ZNF407: variants seen among roughly 807,000 people sequenced by gnomAD.
The protein encoded by ZNF407 is zinc finger protein 407.
ZNF407 carries 17 observed loss-of-function variants against 131.2 expected under a neutral mutation model. The observed-to-expected ratio is 0.13, with a 90% CI of 0.09 to 0.19. The LOEUF (loss-of-function observed/expected upper bound fraction) is 0.19. Ranked by LOEUF, ZNF407 falls within the 10% of genes least tolerant of loss-of-function variation. The pLI, the probability that ZNF407 is intolerant of heterozygous loss-of-function variation, is 1.00. For synonymous variants in ZNF407, 1,156 were observed against 1,062.0 expected (o/e 1.09, Z -1.72); for missense variants, 2,681 against 2,830.6 (o/e 0.95, Z 1.20).
chr18:74,806,805 G>C (rs576517352), intron 4 of ZNF407, among the ~76,000 whole-genome samples: 8 of 152,230 alleles, frequency 5.3e-5, no homozygotes, highest in Admixed American at 1.3e-4. Context: ...AGTAAATAGA[G>C]TGAGACTGAG....
chr18:75,038,380 G>A (rs978252112), intron 8 of ZNF407, among the ~76,000 whole-genome samples: 1 of 152,204 alleles, frequency 6.6e-6, no homozygotes, highest in Admixed American at 6.5e-5. Context: ...TGGCAAGCAG[G>A]TAATTGGATT....
intron 8 of ZNF407, among the ~76,000 whole-genome samples, chr18:74,988,473 T>C (rs528014527): frequency 7.9e-5 from 12 of 150,992 alleles, no homozygotes; most frequent in South Asian, 4.1e-4. Flanking sequence ...AGAAAAGATA[T>C]ATATATATAG....
At chr18:74,656,099 TATA>T (rs1985444153) in intron 3 of ZNF407, among the ~76,000 whole-genome samples, 1 of 152,168 alleles carries the variant, frequency 6.6e-6, no homozygotes, top group Non-Finnish European at 1.5e-5. Flanking sequence ...CATTTATCAT[TATA>T]ATAGAGGCAG....
intron 8 of ZNF407, among the ~76,000 whole-genome samples, chr18:74,982,233 C>T (rs1216855075): frequency 6.6e-6 from 1 of 152,148 alleles, no homozygotes; most frequent in Non-Finnish European, 1.5e-5. Context: ...AATTGCCTGC[C>T]TTTATGATGT....
At position 74,641,074 on chromosome 18, in the gene ZNF407, A is replaced by G. The variant is rs770854767; in HGVS notation, c.4754A>G (p.His1585Arg). ...ATAQLGDARNHVKRHLGMREY... is the reference protein window; with the variant it reads ...ATAQLGDARNRVKRHLGMREY... Reference sequence around the variant, plus strand: ...GCTCAGCTTGGAGATGCCAGAAACCATGTGAAAAGGCACCTTGGGATGAGG... The same window carrying G: ...GCTCAGCTTGGAGATGCCAGAAACCGTGTGAAAAGGCACCTTGGGATGAGG... Residue 1585 changes from histidine (H) to arginine (R), a missense_variant, in exon 3 of 9, where the codon CAT becomes CGT. This residue lies in a region of ZNF407 where 213 missense variants were observed against 332.2 expected (regional missense o/e 0.64). Transcript: ENST00000299687. The G allele has an allele frequency of 1.9e-6, 3 of 1,613,456 alleles. No individual in the cohort carries two copies. Among genetic ancestry groups the G allele is most frequent in the Admixed American group, 1.7e-5 (1 of 60,008 alleles).
chr18:74,889,223 C>T (rs1458322381), intron 6 of ZNF407, among the ~76,000 whole-genome samples: 1 of 152,084 alleles, frequency 6.6e-6, no homozygotes, highest in African/African-American at 2.4e-5. Flanking sequence ...ATGCAGTCGC[C>T]TAGTCACGCA....
chr18:74,888,171 T>C (rs1971336598), intron 6 of ZNF407, among the ~76,000 whole-genome samples: 1 of 152,170 alleles, frequency 6.6e-6, no homozygotes, highest in South Asian at 2.1e-4. Context: ...TGAACATATG[T>C]AAAATTAATC....
In ZNF407 at chr18:74,635,774, GC is replaced by G; in HGVS notation, c.4687+71del. 6.6e-7 allele frequency: 1 copy of G among 1,515,104 alleles called. No homozygotes were observed. Among genetic ancestry groups the G allele is most frequent in the Non-Finnish European group, 8.8e-7 (1 of 1,134,064 alleles). 93.9% of individuals were successfully genotyped at this position (1,515,104 alleles called of 1,614,324 possible). A position where few individuals can be genotyped will look rare whatever the true frequency, so the allele number is the denominator to read the frequency against. ...CCATTTGTTCCCATCCAGATATGCA[GC>G]CCTACCTGTGGCTGCTCATTGGCTT... is the stretch of plus-strand genomic sequence containing the variant. On this transcript the variant is annotated intron_variant, in intron 2 of 8. Coordinates refer to ENST00000299687, the MANE Select transcript of ZNF407 (RefSeq NM_017757.3). The surrounding 1 kb of genome is among the most constrained non-coding windows in gnomAD (Gnocchi z 4.7).
chr18:75,015,720 T>C (rs1186127757), intron 8 of ZNF407, among the ~76,000 whole-genome samples: 1 of 151,724 alleles, frequency 6.6e-6, no homozygotes, highest in Non-Finnish European at 1.5e-5. Flanking sequence ...TATTTCCTAA[T>C]TTACTGCTAT....
chr18:75,044,414 C>T (rs946161019), intron 8 of ZNF407, among the ~76,000 whole-genome samples: 1 of 151,518 alleles, frequency 6.6e-6, no homozygotes, highest in South Asian at 2.1e-4. Flanking sequence ...GACTCCTTGG[C>T]GGTTCTAGCT....
chr18:74,900,101 G>A (rs1971504043), intron 7 of ZNF407, among the ~76,000 whole-genome samples: 1 of 152,218 alleles, frequency 6.6e-6, no homozygotes, highest in Admixed American at 6.5e-5. Flanking sequence ...CATTGAAACC[G>A]TGAGGCTGAA....
In ZNF407 at chr18:74,840,833, A is replaced by G. The variant is rs183733467; in HGVS notation, c.4878-36364A>G. Among the ~76,000 whole-genome samples the G allele has an allele frequency of 3.8e-3, 584 of 152,182 alleles. 9 individuals carry two copies. Among genetic ancestry groups the G allele is most frequent in the Admixed American group, 0.034 (516 of 15,298 alleles). ...AATTTTATAGCTTCTCATCACTACAATCATCTGTTTGAATTATGCCAGTGG... is the reference window on the plus strand; with the variant it reads ...AATTTTATAGCTTCTCATCACTACAGTCATCTGTTTGAATTATGCCAGTGG... On this transcript the variant is annotated intron_variant, in intron 4 of 8. Coordinates refer to ENST00000299687, the MANE Select transcript of ZNF407 (RefSeq NM_017757.3).
At chr18:74,913,400 G>C (rs1453250507) in intron 7 of ZNF407, among the ~76,000 whole-genome samples, 21 of 152,194 alleles carry the variant, frequency 1.4e-4, no homozygotes, top group Admixed American at 5.9e-4. Context: ...GTAAGGGTGG[G>C]AGTAGAGACA....
At chr18:74,654,668 A>ATTTG (rs1568148587) in intron 3 of ZNF407, among the ~76,000 whole-genome samples, 5 of 151,896 alleles carry the variant, frequency 3.3e-5, no homozygotes, top group African/African-American at 2.4e-5. Flanking sequence ...AAACTACTAC[A>ATTTG]TAATATATCT....
At chr18:74,677,482 T>C (rs1986440560) in intron 3 of ZNF407, among the ~76,000 whole-genome samples, 1 of 152,204 alleles carries the variant, frequency 6.6e-6, no homozygotes, top group African/African-American at 2.4e-5. Flanking sequence ...TATATGTTCC[T>C]TGGGTGATGA....
chr18:74,808,239 C>T (rs1318449619), intron 4 of ZNF407, among the ~76,000 whole-genome samples: 6 of 152,136 alleles, frequency 3.9e-5, no homozygotes, highest in African/African-American at 1.2e-4. Context: ...GTCTCGAACT[C>T]CTGACCTCAG....
intron 7 of ZNF407, among the ~76,000 whole-genome samples, chr18:74,901,930 G>C (rs952349897): frequency 8.0e-6 from 1 of 124,338 alleles, no homozygotes; most frequent in Non-Finnish European, 1.7e-5. Flanking sequence ...TTTTTTTTTA[G>C]TTTAAAAGTG....
intron 8 of ZNF407, among the ~76,000 whole-genome samples, chr18:74,975,060 C>T (rs117854271): frequency 7.9e-5 from 12 of 152,296 alleles, no homozygotes; most frequent in Non-Finnish European, 1.8e-4. Flanking sequence ...TCTTAATATG[C>T]TCAGTCTTTA....
At chr18:74,835,801 A>G (rs1970550778) in intron 4 of ZNF407, among the ~76,000 whole-genome samples, 1 of 152,112 alleles carries the variant, frequency 6.6e-6, no homozygotes, top group Admixed American at 6.5e-5. Flanking sequence ...TAGGAAATAA[A>G]ATTGTAAATA....
Sources: gnomAD v4.1 joint callset for allele counts (sites outside exome capture counted in the v4.1 genomes callset) on GRCh38, gnomAD v4.1.1 for gene constraint, gnomAD v4.1.1 regional missense constraint, Gnocchi (gnomAD v3.1) non-coding constraint, MANE v1.5 for transcripts, NCBI Gene and HGNC (gene_info 2026-07-23, HGNC 2026-07-21) for gene names.